GRIN2B: variants seen among roughly 807,000 people sequenced by gnomAD.
GRIN2B encodes the protein glutamate ionotropic receptor NMDA type subunit 2B.
Under a neutral mutation model 114.5 loss-of-function variants are expected in GRIN2B, and 5 were observed. That is an observed-to-expected ratio of 0.04 (90% CI 0.02 to 0.09). GRIN2B has a LOEUF of 0.09. Among genes scored for constraint, GRIN2B ranks in the 10% least tolerant of loss-of-function variants. The probability of loss-of-function intolerance (pLI) is 1.00; values close to 1 mark genes in which losing one functional copy is unlikely to be tolerated. For synonymous variants in GRIN2B, 787 were observed against 745.1 expected (o/e 1.06, Z -0.92); for missense variants, 1,108 against 1,943.5 (o/e 0.57, Z 8.08).
chr12:13,936,276 G>A (rs945199222), intron 2 of GRIN2B, among the ~76,000 whole-genome samples: 2 of 152,172 alleles, frequency 1.3e-5, no homozygotes, highest in African/African-American at 4.8e-5. Flanking sequence ...TGGAGTTCCA[G>A]TCCTGCCAGA....
chr12:13,854,840 G>T (rs1380009471), intron 3 of GRIN2B, among the ~76,000 whole-genome samples: 1 of 152,048 alleles, frequency 6.6e-6, no homozygotes, highest in East Asian at 1.9e-4. Context: ...AACTCTCATA[G>T]ACCCATACTT....
At chr12:13,790,115 T>C (rs572860154) in intron 3 of GRIN2B, among the ~76,000 whole-genome samples, 2 of 152,330 alleles carry the variant, frequency 1.3e-5, no homozygotes, top group African/African-American at 2.4e-5. Flanking sequence ...TATCCTTCAG[T>C]ACAGGCCTGG....
At chr12:13,925,763 C>T (rs1866901499) in intron 2 of GRIN2B, among the ~76,000 whole-genome samples, 1 of 152,050 alleles carries the variant, frequency 6.6e-6, no homozygotes, top group African/African-American at 2.4e-5. Flanking sequence ...ATTAATAGTG[C>T]AATTTTGATG....
chr12:13,975,447 A>G (rs1468146349), intron 2 of GRIN2B, among the ~76,000 whole-genome samples: 2 of 152,242 alleles, frequency 1.3e-5, no homozygotes, highest in Non-Finnish European at 2.9e-5. Context: ...GTGCTAAAGA[A>G]GTTATACAAC....
chr12:13,557,553 T>C lies in GRIN2B; in HGVS notation c.*5230A>G, dbSNP rs1948490614. 6.6e-6 allele frequency: 1 copy of C among 152,220 alleles called. No individual in the cohort carries two copies. The highest frequency in any genetic ancestry group is 6.5e-5 in the Admixed American group (1 of 15,282). 9.4% of individuals were successfully genotyped at this position (152,220 alleles called of 1,614,324 possible). On this transcript the variant is annotated 3_prime_UTR_variant, in exon 14 of 14. Coordinates refer to ENST00000609686, the MANE Select transcript of GRIN2B (RefSeq NM_000834.5). ...ACTCTTCTATTTTCTATGGAAAGAATCATAGTTCTCAACCTGCCCTACAAG... is the reference window on the plus strand; with the variant it reads ...ACTCTTCTATTTTCTATGGAAAGAACCATAGTTCTCAACCTGCCCTACAAG...
intron 5 of GRIN2B, among the ~76,000 whole-genome samples, chr12:13,666,396 C>T (rs1317086531): frequency 1.3e-5 from 2 of 152,066 alleles, no homozygotes; most frequent in East Asian, 3.9e-4. Context: ...AGAAAAGCTC[C>T]TAAGCAAGCC....
chr12:13,858,231 T>C (rs56891900), intron 3 of GRIN2B, among the ~76,000 whole-genome samples: 1,530 of 152,300 alleles, frequency 0.01, 29 homozygotes, highest in African/African-American at 0.036. Flanking sequence ...AACTCAGAGT[T>C]TGACAAAAAA....
chr12:13,872,454 CAAAA>C (rs35373717), intron 2 of GRIN2B, among the ~76,000 whole-genome samples: 1 of 124,350 alleles, frequency 8.0e-6, no homozygotes, highest in Non-Finnish European at 1.7e-5. Context: ...GGCTCCGACT[CAAAA>C]AAAAAAAAAA....
rs79435109 is a variant in GRIN2B, at chr12:13,962,421, T to C, written c.-19+17507A>G. Among the ~76,000 whole-genome samples, 1,299 of 152,280 alleles carry C rather than the reference T, an allele frequency of 8.5e-3. 9 individuals carry two copies. The highest frequency in any genetic ancestry group is 0.014 in the Non-Finnish European group (923 of 68,024). Reference sequence around the variant, plus strand: ...CAGCCTGCAGTTATTCAATTCAGATTTTAGAAAATTGCATTCGTTTTGTAT... The same window carrying C: ...CAGCCTGCAGTTATTCAATTCAGATCTTAGAAAATTGCATTCGTTTTGTAT... On this transcript the variant is annotated intron_variant, in intron 2 of 13. Coordinates refer to ENST00000609686, the MANE Select transcript of GRIN2B (RefSeq NM_000834.5).
chr12:13,749,675 G>A (rs1240690955), intron 4 of GRIN2B, among the ~76,000 whole-genome samples: 2 of 152,218 alleles, frequency 1.3e-5, no homozygotes, highest in African/African-American at 4.8e-5. Flanking sequence ...CTGAAGGGGT[G>A]GAGAGTCTGA....
At chr12:13,774,712 T>C (rs1367331662) in intron 3 of GRIN2B, among the ~76,000 whole-genome samples, 1 of 152,188 alleles carries the variant, frequency 6.6e-6, no homozygotes, top group African/African-American at 2.4e-5. Context: ...ATGTATTTCC[T>C]TTTAAACGCA....
intron 2 of GRIN2B, among the ~76,000 whole-genome samples, chr12:13,911,255 A>G (rs1866623122): frequency 6.6e-6 from 1 of 152,194 alleles, no homozygotes; most frequent in African/African-American, 2.4e-5. Context: ...ATAGTTTTGA[A>G]TAAGAAATGA....
At chr12:13,863,735 T>C (rs1443520998) in intron 3 of GRIN2B, among the ~76,000 whole-genome samples, 4 of 152,200 alleles carry the variant, frequency 2.6e-5, no homozygotes, top group Non-Finnish European at 4.4e-5. Flanking sequence ...ATAATGATGT[T>C]GTGGATTTGT....
In GRIN2B at chr12:13,866,186, C is replaced by T. The variant is rs1060503160; in HGVS notation, c.23G>A (p.Cys8Tyr). Residue 8 changes from cysteine (C) to tyrosine (Y), a missense_variant, in exon 3 of 14, where the codon TGT (cysteine) becomes TAT (tyrosine). By Grantham distance (194) the Cys-to-Tyr change is radical. Transcript: ENST00000609686. The stretch of plus-strand genomic sequence containing the variant: ...CAACACCAACCAGAACTTGGGAGAA[C>T]AGCACTCCGCTCTGGGCTTCATCTT... Reference protein sequence around the residue: MKPRAECCSPKFWLVLAV... With the variant: MKPRAECYSPKFWLVLAV... 6 of 1,610,574 alleles carry T rather than the reference C, an allele frequency of 3.7e-6. No homozygotes were observed. Among genetic ancestry groups the T allele is most frequent in the Admixed American group, 1.7e-5 (1 of 60,022 alleles).
At chr12:13,905,849 C>G (rs1866527112) in intron 2 of GRIN2B, among the ~76,000 whole-genome samples, 1 of 152,096 alleles carries the variant, frequency 6.6e-6, no homozygotes, top group Non-Finnish European at 1.5e-5. Flanking sequence ...CTTTCCCATC[C>G]CCAGCCCCGT....
chr12:13,565,443 A>G (rs148952848), intron 13 of GRIN2B, among the ~76,000 whole-genome samples: 12 of 152,308 alleles, frequency 7.9e-5, no homozygotes, highest in East Asian at 5.8e-4. Flanking sequence ...ATTATCATCA[A>G]TAATTAACAT....
In GRIN2B at chr12:13,539,261, C is replaced by T. The variant is rs1337360510; in HGVS notation, c.*23522G>A. The T allele has an allele frequency of 2.6e-5, 4 of 152,228 alleles. No individual in the cohort carries two copies. Among genetic ancestry groups the T allele is most frequent in the Non-Finnish European group, 4.4e-5 (3 of 68,050 alleles). 9.4% of individuals were successfully genotyped at this position (152,228 alleles called of 1,614,324 possible). ...GCCAGGGCTGCCATACATGAGCTCA[C>T]CCAGGCTCCTTGGCCATGAGACAGA... is the stretch of plus-strand genomic sequence containing the variant. On this transcript the variant is annotated 3_prime_UTR_variant, in exon 14 of 14. Coordinates refer to ENST00000609686, the MANE Select transcript of GRIN2B (RefSeq NM_000834.5).
chr12:13,957,969 A>C (rs890924353), intron 2 of GRIN2B, among the ~76,000 whole-genome samples: 1 of 152,210 alleles, frequency 6.6e-6, no homozygotes, highest in Non-Finnish European at 1.5e-5. Flanking sequence ...GTTGGCACTT[A>C]AATTAACTGA....
intron 3 of GRIN2B, among the ~76,000 whole-genome samples, chr12:13,816,349 C>T (rs924076878): frequency 2.6e-5 from 4 of 152,110 alleles, no homozygotes; most frequent in Non-Finnish European, 4.4e-5. Flanking sequence ...TAATATTCTC[C>T]CCATCCTTCT....
Sources: gnomAD v4.1 joint callset for allele counts (sites outside exome capture counted in the v4.1 genomes callset) on GRCh38, gnomAD v4.1.1 for gene constraint, MANE v1.5 for transcripts, NCBI Gene and HGNC (gene_info 2026-07-23, HGNC 2026-07-21) for gene names.